Variants in AKT3 observed in about 807,000 individuals in gnomAD.
The protein encoded by AKT3 is AKT serine/threonine kinase 3, also known as RAC-gamma serine/threonine-protein kinase.
Under a neutral mutation model 65.3 loss-of-function variants are expected in AKT3, and 15 were observed. That is an observed-to-expected ratio of 0.23 (90% CI 0.15 to 0.35). The LOEUF (loss-of-function observed/expected upper bound fraction) is 0.35. AKT3 is among the 10% of genes least tolerant of loss of function. The pLI, the probability that AKT3 is intolerant of heterozygous loss-of-function variation, is 1.00. For missense variants in AKT3, 243 were observed against 576.5 expected (o/e 0.42, Z 5.92); for synonymous variants, 206 against 183.8 (o/e 1.12, Z -0.98).
rs142262517 is a variant in AKT3 at position 243,842,633 on chromosome 1, C to G, written c.46+492G>C. Among the ~76,000 whole-genome samples the G allele has an allele frequency of 3.1e-3, 473 of 152,262 alleles. 2 individuals are homozygous for G. The highest frequency in any genetic ancestry group is 0.011 in the African/African-American group (444 of 41,544). On this transcript the variant is annotated intron_variant, in intron 2 of 13. Coordinates refer to ENST00000673466, the MANE Select transcript of AKT3 (RefSeq NM_005465.7). The stretch of plus-strand genomic sequence containing the variant: ...CTTGTCCTCATTTGGCCTTTTACGT[C>G]AGGACTTTACTTACCAAATTTATGG...
intron 8 of AKT3, among the ~76,000 whole-genome samples, chr1:243,600,502 G>A (rs904469453): frequency 9.9e-5 from 15 of 152,036 alleles, no homozygotes; most frequent in African/African-American, 2.9e-4. Context: ...TCCAGAAATC[G>A]ACCCACACAT....
intron 2 of AKT3, among the ~76,000 whole-genome samples, chr1:243,720,219 A>T (rs912047559): frequency 1.3e-4 from 20 of 152,140 alleles, no homozygotes; most frequent in Admixed American, 1.2e-3. Context: ...GAATCACTTG[A>T]ACCCAGGAGG....
At chr1:243,770,918 G>A (rs1690140493) in intron 2 of AKT3, among the ~76,000 whole-genome samples, 1 of 152,046 alleles carries the variant, frequency 6.6e-6, no homozygotes, top group Non-Finnish European at 1.5e-5. Context: ...AAGCTGGAGA[G>A]CAGAGAACTA....
chr1:243,650,737 C>T (rs74887645), intron 4 of AKT3, among the ~76,000 whole-genome samples: 4 of 151,838 alleles, frequency 2.6e-5, no homozygotes, highest in Non-Finnish European at 5.9e-5. Context: ...ATTTCTGAGG[C>T]CTCTGTTCTG....
intron 8 of AKT3, among the ~76,000 whole-genome samples, chr1:243,589,342 GA>G (rs1271164150): frequency 7.5e-6 from 1 of 133,282 alleles, no homozygotes; most frequent in Non-Finnish European, 1.6e-5. Context: ...AAAGAAAAAA[GA>G]AAAAAAATCT....
At chr1:243,754,345 G>A (rs907013610) in intron 2 of AKT3, among the ~76,000 whole-genome samples, 2 of 152,212 alleles carry the variant, frequency 1.3e-5, no homozygotes, top group African/African-American at 4.8e-5. Context: ...TAGAATGCCT[G>A]TATCTGCATT....
chr1:243,636,089 A>G (rs1268461908), intron 6 of AKT3, among the ~76,000 whole-genome samples: 1 of 152,066 alleles, frequency 6.6e-6, no homozygotes, highest in Non-Finnish European at 1.5e-5. Context: ...AAATTAAATA[A>G]TGGGATACAA....
intron 4 of AKT3, among the ~76,000 whole-genome samples, chr1:243,661,881 A>C (rs1682372165): frequency 6.7e-6 from 1 of 150,236 alleles, no homozygotes; most frequent in Non-Finnish European, 1.5e-5. Flanking sequence ...CAACCCCATC[A>C]AAAAGTGGGC....
In AKT3 at chr1:243,847,806, A is replaced by T. The variant is rs963367507; in HGVS notation, c.-113+2234T>A. The stretch of plus-strand genomic sequence containing the variant: ...TCCAGTATTTGTTAAATATAATCTT[A>T]TTTAAAATATTTTACAGCTATGAAA... On this transcript the variant is annotated intron_variant, in intron 1 of 13. Transcript: ENST00000673466. 3.3e-5 allele frequency among the ~76,000 whole-genome samples: 5 copies of T among 152,296 alleles called. No homozygotes were observed. In the South Asian group the frequency reaches 8.3e-4, roughly 25 times the overall value.
intron 6 of AKT3, among the ~76,000 whole-genome samples, chr1:243,617,027 C>A (rs576968786): frequency 6.6e-6 from 1 of 152,088 alleles, no homozygotes; most frequent in African/African-American, 2.4e-5. Flanking sequence ...ATACACTGTG[C>A]CTAACATAAT....
chr1:243,646,139 A>G, intron 4 of AKT3, 102 bp from the exon 5 acceptor site: 3 of 1,006,928 alleles, frequency 3.0e-6, no homozygotes, highest in Non-Finnish European at 4.2e-6. Flanking sequence ...ATCTATTCAG[A>G]GATCAAACAC....
chr1:243,636,527 C>T (rs1210952188), intron 6 of AKT3, among the ~76,000 whole-genome samples: 1 of 151,996 alleles, frequency 6.6e-6, no homozygotes, highest in African/African-American at 2.4e-5. Context: ...CAAAATATTC[C>T]TGTCCAGAGG....
intron 12 of AKT3, among the ~76,000 whole-genome samples, chr1:243,521,985 T>A (rs1018784814): frequency 6.6e-6 from 1 of 152,218 alleles, no homozygotes; most frequent in African/African-American, 2.4e-5. Flanking sequence ...TACGATACAT[T>A]ATTTGAAGAT....
intron 12 of AKT3, among the ~76,000 whole-genome samples, chr1:243,525,329 C>G (rs1452476198): frequency 6.6e-6 from 1 of 151,968 alleles, no homozygotes. Flanking sequence ...AAATACCAGT[C>G]ACAATGCCCA....
chr1:243,786,533 A>G (rs1476342262), intron 2 of AKT3, among the ~76,000 whole-genome samples: 1 of 152,230 alleles, frequency 6.6e-6, no homozygotes, highest in East Asian at 1.9e-4. Context: ...AATATCTTCA[A>G]TTAATTCTGT....
rs182008713 is a variant in AKT3 at position 243,680,043 on chromosome 1, C to A, written c.173-15160G>T. Reference sequence around the variant, plus strand: ...CACCCTATAGAGACAGAAACTTTATCAGTGTGCTTTTGGAAGCAATAACTG... The same window carrying A: ...CACCCTATAGAGACAGAAACTTTATAAGTGTGCTTTTGGAAGCAATAACTG... On this transcript the variant is annotated intron_variant, in intron 3 of 13. Transcript: ENST00000673466. 2.1e-3 allele frequency among the ~76,000 whole-genome samples: 316 copies of A among 152,256 alleles called. 1 individual carries two copies. Among genetic ancestry groups the A allele is most frequent in the African/African-American group, 7.2e-3 (299 of 41,556 alleles).
intron 2 of AKT3, chr1:243,702,927 T>G (rs1159015963): frequency 6.6e-6 from 1 of 152,182 alleles, no homozygotes; most frequent in Non-Finnish European, 1.5e-5. Flanking sequence ...TTTATGAATT[T>G]TCAAAGAGCA....
chr1:243,534,666 G>A (rs893232183), intron 12 of AKT3, among the ~76,000 whole-genome samples: 1 of 152,106 alleles, frequency 6.6e-6, no homozygotes, highest in African/African-American at 2.4e-5. Flanking sequence ...AGACCACAAT[G>A]AAATTAAACT....
In AKT3 at chr1:243,501,758, A is replaced by T. The variant is rs1216084674; in HGVS notation, c.*3491T>A. ...AACCACATCCAACAACAATAAACAGAGAAGTAGCAGATTGACATAGTGCTT... is the reference window on the plus strand; with the variant it reads ...AACCACATCCAACAACAATAAACAGTGAAGTAGCAGATTGACATAGTGCTT... On this transcript the variant is annotated 3_prime_UTR_variant, in exon 14 of 14. Coordinates refer to ENST00000673466, the MANE Select transcript of AKT3 (RefSeq NM_005465.7). 1 of 232,914 alleles carries T rather than the reference A, an allele frequency of 4.3e-6. No individual in the cohort carries two copies. Among genetic ancestry groups the T allele is most frequent in the Non-Finnish European group, 8.5e-6 (1 of 117,932 alleles). The allele number at this position is 232,914 out of a possible 1,614,324, so 14.4% of individuals were successfully genotyped here.
Sources: gnomAD v4.1 joint callset for allele counts (sites outside exome capture counted in the v4.1 genomes callset) on GRCh38, gnomAD v4.1.1 for gene constraint, MANE v1.5 for transcripts, NCBI Gene and HGNC (gene_info 2026-07-23, HGNC 2026-07-21) for gene names.